GRIP1: variants seen among roughly 807,000 people sequenced by gnomAD.
The protein encoded by GRIP1 is glutamate receptor-interacting protein 1.
GRIP1 carries 45 observed loss-of-function variants against 129.9 expected under a neutral mutation model. That is an observed-to-expected ratio of 0.35 (90% CI 0.27 to 0.44). GRIP1 has a LOEUF of 0.44. Ranked by LOEUF, GRIP1 falls within the 20% of genes least tolerant of loss-of-function variation. The pLI is 1.00. For synonymous variants in GRIP1, 530 were observed against 520.8 expected (o/e 1.02, Z -0.24); for missense variants, 1,196 against 1,396.8 (o/e 0.86, Z 2.29).
intron 1 of GRIP1, among the ~76,000 whole-genome samples, chr12:66,882,282 G>C (rs1430749637): frequency 6.6e-6 from 1 of 151,732 alleles, no homozygotes; most frequent in African/African-American, 2.4e-5. Flanking sequence ...TGCAATGCTA[G>C]GGATAATTTT....
At chr12:66,713,369 G>A (rs1235124671) in intron 1 of GRIP1, among the ~76,000 whole-genome samples, 1 of 151,968 alleles carries the variant, frequency 6.6e-6, no homozygotes, top group Admixed American at 6.6e-5. Context: ...ATAGTGATAA[G>A]TACAACAATC....
intron 1 of GRIP1, among the ~76,000 whole-genome samples, chr12:66,824,357 G>A (rs551389777): frequency 8.5e-5 from 13 of 152,188 alleles, no homozygotes; most frequent in South Asian, 2.1e-4. Context: ...CAGGTCATGC[G>A]TCTACACTAG....
intron 1 of GRIP1, among the ~76,000 whole-genome samples, chr12:66,904,666 G>A (rs2040899426): frequency 6.6e-6 from 1 of 152,178 alleles, no homozygotes; most frequent in Non-Finnish European, 1.5e-5. Flanking sequence ...GCCAAGGTAG[G>A]CGGATCAAGA....
At chr12:66,452,578 T>C (rs976785504) in intron 11 of GRIP1, among the ~76,000 whole-genome samples, 2 of 152,212 alleles carry the variant, frequency 1.3e-5, no homozygotes, top group African/African-American at 4.8e-5. Context: ...TTTTCTGTTT[T>C]GCAAACTCTG....
At chr12:66,588,833 G>A (rs1264673089) in intron 2 of GRIP1, among the ~76,000 whole-genome samples, 2 of 148,574 alleles carry the variant, frequency 1.3e-5, no homozygotes, top group African/African-American at 4.9e-5. Flanking sequence ...GCTGGGCATG[G>A]TGGTGTACGT....
At chr12:66,815,842 TTC>T (rs1480749098) in intron 1 of GRIP1, among the ~76,000 whole-genome samples, 2 of 43,064 alleles carry the variant, frequency 4.6e-5, no homozygotes, top group African/African-American at 9.7e-5. Context: ...CTTTCTTTCT[TTC>T]TTTCTTTCTT....
At chr12:67,003,737 T>TA (rs71436030) in intron 1 of GRIP1, among the ~76,000 whole-genome samples, 13 of 151,876 alleles carry the variant, frequency 8.6e-5, no homozygotes, top group Non-Finnish European at 8.8e-5. Flanking sequence ...AAAAAATAAA[T>TA]AAAAAAATTC....
chr12:66,574,819 G>A (rs2063087227), intron 2 of GRIP1, among the ~76,000 whole-genome samples: 1 of 109,346 alleles, frequency 9.1e-6, no homozygotes, highest in Non-Finnish European at 2.0e-5. Context: ...GTCTCGCTCT[G>A]TCGCCGCCCT....
chr12:66,999,972 G>A (rs1347910575), intron 1 of GRIP1, among the ~76,000 whole-genome samples: 9 of 152,032 alleles, frequency 5.9e-5, no homozygotes, highest in Non-Finnish European at 1.3e-4. Flanking sequence ...CTCCCATTAA[G>A]TTGTTCCACA....
intron 1 of GRIP1, among the ~76,000 whole-genome samples, chr12:66,740,801 C>T (rs909554538): frequency 2.6e-5 from 4 of 151,766 alleles, no homozygotes; most frequent in African/African-American, 9.7e-5. Context: ...AAAAATTAGG[C>T]TTGGAGAGAT....
At chr12:66,387,892 G>A (rs2056421827) in intron 19 of GRIP1, among the ~76,000 whole-genome samples, 1 of 152,194 alleles carries the variant, frequency 6.6e-6, no homozygotes, top group Non-Finnish European at 1.5e-5. Context: ...ATTAAATAAA[G>A]TTGGACTCTG....
At chr12:66,766,055 CTTG>C (rs2037626481) in intron 1 of GRIP1, among the ~76,000 whole-genome samples, 2 of 152,200 alleles carry the variant, frequency 1.3e-5, no homozygotes, top group Admixed American at 1.3e-4. Flanking sequence ...CACTGTGGCT[CTTG>C]TTTTTTTCCT....
chr12:67,057,447 A>C (rs1003530385), intron 1 of GRIP1, among the ~76,000 whole-genome samples: 1 of 151,922 alleles, frequency 6.6e-6, no homozygotes, highest in African/African-American at 2.4e-5. Flanking sequence ...AAAAAAAAAA[A>C]AAAAAAAACT....
rs116028195 is a variant in GRIP1 at position 66,662,236 on chromosome 12, C to T, written c.55+16614G>A. 2.5e-3 allele frequency among the ~76,000 whole-genome samples: 388 copies of T among 152,178 alleles called. 2 individuals carry two copies. The highest frequency in any genetic ancestry group is 9.0e-3 in the African/African-American group (374 of 41,530). On this transcript the variant is annotated intron_variant, in intron 1 of 24. Transcript: ENST00000359742. ...TAACTGTGGCTAATATCTATTAATC[C>T]TGACTGCCCCCTTGTTATTTTCTCA...
chr12:66,887,462 C>T (rs1015296881), intron 1 of GRIP1, among the ~76,000 whole-genome samples: 13 of 152,130 alleles, frequency 8.5e-5, no homozygotes, highest in Middle Eastern at 3.2e-3. Flanking sequence ...TAAAATACTG[C>T]CTGGCATATA....
rs746707758 is a variant in GRIP1 at position 67,031,576 on chromosome 12, T to G, written c.58+37474A>C. Reference sequence around the variant, plus strand: ...GGGCTTTCTCCACCTCTTTATTACATGGATAATTTACCGCACACTCCACAA... The same window carrying G: ...GGGCTTTCTCCACCTCTTTATTACAGGGATAATTTACCGCACACTCCACAA... On this transcript the variant is annotated intron_variant, in intron 1 of 1. Transcript: ENST00000643019. Among the ~76,000 whole-genome samples the G allele has an allele frequency of 2.0e-5, 3 of 152,274 alleles. No homozygotes were observed. In the Middle Eastern group the frequency reaches 0.01, roughly 518 times the overall value.
intron 7 of GRIP1, among the ~76,000 whole-genome samples, chr12:66,486,074 T>G (rs1448846990): frequency 6.6e-6 from 1 of 152,104 alleles, no homozygotes. Context: ...TTATTGTTCT[T>G]TAAGACTGCC....
chr12:66,454,393 TTC>T (rs1294165286), intron 11 of GRIP1, among the ~76,000 whole-genome samples: 1 of 152,222 alleles, frequency 6.6e-6, no homozygotes, highest in African/African-American at 2.4e-5. Context: ...TTCTTTAAAT[TTC>T]TCTGTTTAAA....
At chr12:66,870,204 TAC>T (rs1402371916) in intron 1 of GRIP1, among the ~76,000 whole-genome samples, 27 of 152,136 alleles carry the variant, frequency 1.8e-4, no homozygotes, top group Admixed American at 6.6e-4. Context: ...GAAATAAACA[TAC>T]CATGAGACAG....
Sources: allele counts gnomAD v4.1 joint callset (sites outside exome capture counted in the v4.1 genomes callset), GRCh38; gene constraint gnomAD v4.1.1; transcripts MANE v1.5; gene names NCBI Gene and HGNC (gene_info 2026-07-23, HGNC 2026-07-21).